The following FLT3 variants were observed in gnomAD, a reference collection of about 807,000 sequenced individuals.
FLT3 encodes the protein fms related receptor tyrosine kinase 3.
A neutral mutation model predicts 126.6 loss-of-function variants in FLT3; 46 were observed. The ratio of observed to expected loss-of-function variants is 0.36; its 90% CI spans 0.29 to 0.46. The LOEUF is 0.46. FLT3 is among the 20% of genes least tolerant of loss of function. The pLI is 1.00. For synonymous variants in FLT3, 404 were observed against 434.4 expected (o/e 0.93, Z 0.87); for missense variants, 1,069 against 1,190.3 (o/e 0.90, Z 1.50).
chr13:28,074,606 A>G (rs1007012256), intron 1 of FLT3, among the ~76,000 whole-genome samples: 1 of 151,960 alleles, frequency 6.6e-6, no homozygotes, highest in Non-Finnish European at 1.5e-5. Context: ...GGCCTTTCTA[A>G]TAAGTGTGTT....
intron 20 of FLT3, among the ~76,000 whole-genome samples, chr13:28,016,025 G>A: frequency 6.6e-6 from 1 of 152,076 alleles, no homozygotes; most frequent in East Asian, 1.9e-4. Flanking sequence ...GGGGTAAGTG[G>A]GTACTAGTGA....
At chr13:28,085,436 G>A (rs750887396) in intron 1 of FLT3, among the ~76,000 whole-genome samples, 13 of 151,574 alleles carry the variant, frequency 8.6e-5, no homozygotes, top group Non-Finnish European at 1.3e-4. Flanking sequence ...TAAATGTGAT[G>A]TGGTCAAGTT....
chr13:28,099,535 C>T (rs1879684014), intron 1 of FLT3, among the ~76,000 whole-genome samples: 1 of 152,154 alleles, frequency 6.6e-6, no homozygotes, highest in East Asian at 1.9e-4. Flanking sequence ...CTGAAGGGGA[C>T]TCGGACGGAC....
rs1877417496 is a variant in FLT3, at chr13:28,070,562, C to A, written c.94G>T (p.Val32Leu). Residue 32 changes from valine (V) to leucine (L), a missense_variant, in exon 2 of 24, where the codon GTG (valine) becomes TTG (leucine). Val to Leu is a conservative substitution (Grantham distance 32). Transcript: ENST00000241453. The stretch of plus-strand genomic sequence containing the variant: ...TGATTGATTAAAACACACTTGATCA[C>A]AGGCAGATCTTGATTTGTAATAGTC... ...FGTITNQDLP[V>L]IKCVLINHKN... The A allele has an allele frequency of 6.2e-7, 1 of 1,602,788 alleles. No individual in the cohort carries two copies. The highest frequency in any genetic ancestry group is 8.5e-7 in the Non-Finnish European group (1 of 1,170,288).
rs557655291 is a variant in FLT3, at chr13:28,006,327, T to TG, written c.2860-2154dup. Among the ~76,000 whole-genome samples the TG allele has an allele frequency of 8.5e-4, 129 of 152,066 alleles. 1 individual carries two copies. Among genetic ancestry groups the TG allele is most frequent in the African/African-American group, 3.0e-3 (123 of 41,474 alleles). On this transcript the variant is annotated intron_variant, in intron 23 of 23. Transcript: ENST00000241453. Reference sequence around the variant, plus strand: ...AAAATTGTGTGTGTGTGTGTGTGTGTGTGTGTGTGTGTGTATCCTTTGACC... The same window carrying TG: ...AAAATTGTGTGTGTGTGTGTGTGTGTGGTGTGTGTGTGTGTATCCTTTGACC...
rs375445830 is a variant in FLT3, at chr13:28,036,014, C to A, written c.1339G>T (p.Ala447Ser). The change falls in exon 11 of 24, where the codon GCA becomes TCA. Residue 447 changes from alanine to serine, a missense_variant. Ala to Ser is a moderately conservative substitution (Grantham distance 99, BLOSUM62 1). Transcript: ENST00000241453. ...RKPQVLAEAS[A>S]SQASCFSDGY... ...TCCGAGAAACAGGACGCCTGACTTG[C>A]CGATGCTTCTGCGAGCACTTGAGGT... The A allele has an allele frequency of 9.9e-6, 16 of 1,613,922 alleles. No individual in the cohort carries two copies. Among genetic ancestry groups the A allele is most frequent in the Middle Eastern group, 1.6e-4 (1 of 6,084 alleles).
chr13:28,054,373 A>G (rs1439793236), intron 4 of FLT3, among the ~76,000 whole-genome samples: 1 of 152,010 alleles, frequency 6.6e-6, no homozygotes, highest in Non-Finnish European at 1.5e-5. Flanking sequence ...AGACAACTCT[A>G]ACAGCTTGAG....
intron 10 of FLT3, 86 bp from the exon 11 acceptor site, chr13:28,036,129 G>T: frequency 8.8e-7 from 1 of 1,134,082 alleles, no homozygotes; most frequent in South Asian, 1.2e-5. Flanking sequence ...AAGCCAAGGT[G>T]GGAGGATCAC....
chr13:28,059,763 C>T (rs1368926779), intron 3 of FLT3, among the ~76,000 whole-genome samples: 4 of 150,992 alleles, frequency 2.6e-5, no homozygotes, highest in African/African-American at 9.7e-5. Flanking sequence ...AGACGGAGAC[C>T]ATCTTGTCCA....
intron 3 of FLT3, among the ~76,000 whole-genome samples, chr13:28,060,465 T>TAAA (rs1261681150): frequency 2.4e-4 from 2 of 8,296 alleles, no homozygotes; most frequent in Admixed American, 3.6e-3. Flanking sequence ...GTAAAAATAT[T>TAAA]TAAAAAAAAA....
intron 9 of FLT3, among the ~76,000 whole-genome samples, chr13:28,040,809 C>A (rs938351969): frequency 3.3e-5 from 5 of 150,324 alleles, no homozygotes; most frequent in Non-Finnish European, 7.4e-5. Context: ...TCGGCCTGGG[C>A]AACATGGCAA....
At chr13:28,024,607 T>C (rs1376487459) in intron 18 of FLT3, among the ~76,000 whole-genome samples, 3 of 152,230 alleles carry the variant, frequency 2.0e-5, no homozygotes, top group East Asian at 1.9e-4. Context: ...TCTCTTCCAC[T>C]TGTCAGGTAA....
intron 12 of FLT3, 46 bp downstream of exon 12, chr13:28,035,449 G>A (rs748109860): frequency 3.2e-6 from 5 of 1,567,482 alleles, no homozygotes; most frequent in Non-Finnish European, 4.4e-6. Flanking sequence ...CTAACTTCTA[G>A]TGGGGAATTC....
intron 23 of FLT3, among the ~76,000 whole-genome samples, chr13:28,011,449 C>G (rs2137599508): frequency 6.6e-6 from 1 of 152,032 alleles, no homozygotes; most frequent in Non-Finnish European, 1.5e-5. Flanking sequence ...AACCAAGGGA[C>G]TAGATAGGAT....
At chr13:28,047,575 G>A (rs1232084616) in intron 9 of FLT3, among the ~76,000 whole-genome samples, 2 of 151,978 alleles carry the variant, frequency 1.3e-5, no homozygotes, top group African/African-American at 4.8e-5. Context: ...AGTCAGGTGT[G>A]GTGGTGTGCA....
rs56033040 is a variant in FLT3 at position 28,052,619 on chromosome 13, G to A, written c.540C>T (p.Asp180=). 134 of 1,612,920 alleles carry A rather than the reference G, an allele frequency of 8.3e-5. No homozygotes were observed. The East Asian group carries it at 1.0e-3, about 13-fold the overall frequency. Residue 180 remains aspartate, a synonymous_variant, in exon 5 of 24, where the codon GAC becomes GAT. Coordinates refer to ENST00000241453, the MANE Select transcript of FLT3 (RefSeq NM_004119.3). ...CGCTCTCAGATATGCAGACCAGGGC[G>A]TCCTGGTTTTCCATTTTTCTAAAGT... ...RPYFRKMENQ[D]ALVCISESVP... is the part of the protein sequence containing the mutation.
Position 28,054,444 on chromosome 13 carries a change from G to T in FLT3, c.485-1770C>A, listed in dbSNP as rs768155136. Among the ~76,000 whole-genome samples, 3 of 151,552 alleles carry T rather than the reference G, an allele frequency of 2.0e-5. No homozygotes were observed. In the East Asian group the frequency reaches 5.8e-4, roughly 29 times the overall value. On this transcript the variant is annotated intron_variant, in intron 4 of 23. Coordinates refer to ENST00000241453, the MANE Select transcript of FLT3 (RefSeq NM_004119.3). ...AAAAAAAAGGAAAAGAATAAAGGCCGGGCAAGGTGGCTCACGCCTGTAATC... is the reference window on the plus strand; with the variant it reads ...AAAAAAAAGGAAAAGAATAAAGGCCTGGCAAGGTGGCTCACGCCTGTAATC...
chr13:28,062,037 C>G lies in FLT3; in HGVS notation c.198G>C (p.Ala66=), dbSNP rs752191320. ...CTGTCCCTGAGCTCTGGGGTCTCAA[C>G]GCACACCCGAGGTCTTCCGGGGATT... The part of the protein sequence containing the change: ...VSESPEDLGC[A]LRPQSSGTVY... The change falls in exon 3 of 24, where the codon GCG becomes GCC. Residue 66 remains alanine (A), a synonymous_variant. Transcript: ENST00000241453. 3.7e-6 allele frequency: 6 copies of G among 1,612,610 alleles called. No homozygotes were observed. Among genetic ancestry groups the G allele is most frequent in the Non-Finnish European group, 5.1e-6 (6 of 1,179,960 alleles).
intron 1 of FLT3, among the ~76,000 whole-genome samples, chr13:28,079,992 A>C (rs1229318017): frequency 6.6e-6 from 1 of 152,184 alleles, no homozygotes; most frequent in African/African-American, 2.4e-5. Flanking sequence ...GTAAAATGAG[A>C]ACTCACTCAT....
Sources: gnomAD v4.1 joint callset for allele counts (sites outside exome capture counted in the v4.1 genomes callset) on GRCh38, gnomAD v4.1.1 for gene constraint, MANE v1.5 for transcripts, NCBI Gene and HGNC (gene_info 2026-07-23, HGNC 2026-07-21) for gene names.